Variants in TMEM163 observed in about 807,000 individuals in gnomAD.
The protein encoded by TMEM163 is transmembrane protein 163.
TMEM163 carries 17 observed loss-of-function variants against 29.3 expected under a neutral mutation model. The observed-to-expected ratio is 0.58, with a 90% confidence interval of 0.40 to 0.87. The LOEUF (loss-of-function observed/expected upper bound fraction) is 0.87, where lower values mean the gene tolerates loss of function less well. Ranked by LOEUF, TMEM163 falls within the 40% of genes least tolerant of loss-of-function variation. TMEM163 has a pLI of 0.00. For synonymous variants in TMEM163, 157 were observed against 160.6 expected, an observed-to-expected ratio of 0.98 and a Z score of 0.17; for missense variants, 303 against 381.5, an observed-to-expected ratio of 0.79 and a Z score of 1.71.
intron 2 of TMEM163, among the ~76,000 whole-genome samples, chr2:134,688,012 ACAGCAGAGAGCATGGC>A (rs1434634288): frequency 6.6e-6 from 1 of 152,190 alleles, no homozygotes; most frequent in East Asian, 1.9e-4. Context: ...TACTGGAAAC[ACAGCAGAGAGCATGGC>A]CAGACCACTC....
chr2:134,477,036 C>T (rs1029885062), intron 5 of TMEM163, among the ~76,000 whole-genome samples: 23 of 152,190 alleles, frequency 1.5e-4, no homozygotes, highest in African/African-American at 5.5e-4. Flanking sequence ...GAAGACTGCA[C>T]ACCACACCTA....
At chr2:134,465,229 TATAC>T (rs10564927) in intron 6 of TMEM163, among the ~76,000 whole-genome samples, 31,440 of 143,990 alleles carry the variant, frequency 0.22, 5,632 homozygotes, top group East Asian at 0.57. Context: ...AATATATATA[TATAC>T]ACACACACAT....
intron 2 of TMEM163, among the ~76,000 whole-genome samples, chr2:134,589,100 A>G (rs1466840130): frequency 6.6e-6 from 1 of 152,224 alleles, no homozygotes; most frequent in African/African-American, 2.4e-5. Flanking sequence ...CAAGGTCATG[A>G]CATCCAGAAG....
chr2:134,488,714 CCTGA>C (rs1679367723), intron 5 of TMEM163, among the ~76,000 whole-genome samples: 1 of 152,044 alleles, frequency 6.6e-6, no homozygotes, highest in Admixed American at 6.6e-5. Flanking sequence ...TCTAGAGAAC[CCTGA>C]CTAATACAAC....
chr2:134,595,984 T>C (rs1442145794), intron 2 of TMEM163, among the ~76,000 whole-genome samples: 4 of 152,222 alleles, frequency 2.6e-5, no homozygotes, highest in Non-Finnish European at 5.9e-5. Context: ...ATAAATTTGT[T>C]TGAGTTCTTT....
chr2:134,464,578 C>T lies in TMEM163; in HGVS notation c.667+1536G>A, dbSNP rs79312913. Among the ~76,000 whole-genome samples the T allele has an allele frequency of 7.2e-3, 1,098 of 152,264 alleles. 10 individuals are homozygous for T. The highest frequency in any genetic ancestry group is 0.025 in the African/African-American group (1,034 of 41,552). On this transcript the variant is annotated intron_variant, in intron 6 of 7. Coordinates refer to ENST00000281924, the MANE Select transcript of TMEM163 (RefSeq NM_030923.5). ...CGCACATCCATGCACACGGGTGATG[C>T]TCTTCCGAGGGTAGCCATGGGTGAA...
chr2:134,682,226 TA>T (rs1220220688), intron 2 of TMEM163, among the ~76,000 whole-genome samples: 1 of 152,148 alleles, frequency 6.6e-6, no homozygotes. Flanking sequence ...TATTAGAGCT[TA>T]CATCTCTTGC....
At chr2:134,716,100 A>G (rs1685032498) in intron 1 of TMEM163, among the ~76,000 whole-genome samples, 1 of 152,154 alleles carries the variant, frequency 6.6e-6, no homozygotes. Flanking sequence ...ATTTTGTTAG[A>G]TGGGGAAGTA....
intron 2 of TMEM163, among the ~76,000 whole-genome samples, chr2:134,672,146 G>T (rs1411309054): frequency 6.6e-6 from 1 of 152,172 alleles, no homozygotes; most frequent in African/African-American, 2.4e-5. Flanking sequence ...TGCTATTTCT[G>T]CCTCAAAACC....
chr2:134,626,732 A>C (rs1286544021), intron 2 of TMEM163, among the ~76,000 whole-genome samples: 1 of 152,252 alleles, frequency 6.6e-6, no homozygotes, highest in Non-Finnish European at 1.5e-5. Context: ...AACATTCTTC[A>C]GAAACATGAA....
At chr2:134,605,025 C>T (rs1332964211) in intron 2 of TMEM163, among the ~76,000 whole-genome samples, 1 of 151,710 alleles carries the variant, frequency 6.6e-6, no homozygotes, top group Non-Finnish European at 1.5e-5. Context: ...ACTAAATATA[C>T]AAAATTAGCT....
intron 2 of TMEM163, among the ~76,000 whole-genome samples, chr2:134,560,325 G>C (rs1180737675): frequency 6.6e-6 from 1 of 152,172 alleles, no homozygotes; most frequent in Non-Finnish European, 1.5e-5. Flanking sequence ...TTGAATGTTT[G>C]TTCCCTGATG....
At chr2:134,562,292 G>A (rs1442282299) in intron 2 of TMEM163, among the ~76,000 whole-genome samples, 1 of 152,138 alleles carries the variant, frequency 6.6e-6, no homozygotes, top group African/African-American at 2.4e-5. Context: ...CTATCCTCAG[G>A]GTCTGTGTGC....
intron 2 of TMEM163, among the ~76,000 whole-genome samples, chr2:134,632,775 C>T (rs1682995631): frequency 6.6e-6 from 1 of 151,756 alleles, no homozygotes; most frequent in South Asian, 2.1e-4. Context: ...TGGAGTCTCG[C>T]TCTGTCACCC....
At chr2:134,512,582 C>T (rs1014299301) in intron 4 of TMEM163, among the ~76,000 whole-genome samples, 1 of 152,190 alleles carries the variant, frequency 6.6e-6, no homozygotes, top group African/African-American at 2.4e-5. Context: ...TCCAAAGGCA[C>T]GCCAGAATTC....
At chr2:134,536,481 G>A (rs1013953096) in intron 4 of TMEM163, among the ~76,000 whole-genome samples, 2 of 152,138 alleles carry the variant, frequency 1.3e-5, no homozygotes, top group Non-Finnish European at 2.9e-5. Flanking sequence ...CTGCTGCCTT[G>A]AAGTGAAGGC....
chr2:134,534,598 C>T (rs1186886329), intron 4 of TMEM163, among the ~76,000 whole-genome samples: 2 of 151,674 alleles, frequency 1.3e-5, no homozygotes, highest in Admixed American at 6.6e-5. Context: ...CTAAAGATAC[C>T]AAAAAATTAG....
intron 4 of TMEM163, among the ~76,000 whole-genome samples, chr2:134,538,010 G>T (rs558845111): frequency 6.6e-6 from 1 of 152,230 alleles, no homozygotes; most frequent in Non-Finnish European, 1.5e-5. Context: ...CTCTGCTGGT[G>T]GGAATGTAAA....
At chr2:134,702,118 C>A (rs1020959465) in intron 2 of TMEM163, among the ~76,000 whole-genome samples, 1 of 152,016 alleles carries the variant, frequency 6.6e-6, no homozygotes, top group African/African-American at 2.4e-5. Context: ...AACAGTCCAA[C>A]ATGTCACCCT....
Sources: allele counts gnomAD v4.1 joint callset (sites outside exome capture counted in the v4.1 genomes callset), GRCh38; gene constraint gnomAD v4.1.1; transcripts MANE v1.5; gene names NCBI Gene and HGNC (gene_info 2026-07-23, HGNC 2026-07-21).